The following ENTPD3 variants were observed in gnomAD, a reference collection of about 807,000 sequenced individuals.
ENTPD3 encodes CD39 antigen-like 3.
A neutral mutation model predicts 51.2 loss-of-function variants in ENTPD3; 60 were observed. The observed-to-expected ratio is 1.17, with a 90% CI of 0.95 to 1.45. ENTPD3 has a LOEUF of 1.45. ENTPD3 is among the 40% of genes most tolerant of loss of function. The pLI, the probability that ENTPD3 is intolerant of heterozygous loss-of-function variation, is 0.00. For missense variants in ENTPD3, 593 were observed against 641.1 expected (o/e 0.93, Z 0.81); for synonymous variants, 221 against 238.4 (o/e 0.93, Z 0.67).
chr3:40,420,440 T>C (rs985453584), intron 7 of ENTPD3, among the ~76,000 whole-genome samples: 3 of 151,832 alleles, frequency 2.0e-5, no homozygotes, highest in South Asian at 2.1e-4. Context: ...GGGGTTTCAC[T>C]GTGTTAGCCA....
chr3:40,393,790 A>G (rs190449231), intron 3 of ENTPD3, among the ~76,000 whole-genome samples: 3 of 152,254 alleles, frequency 2.0e-5, no homozygotes, highest in East Asian at 3.9e-4. Flanking sequence ...ACTGTATATA[A>G]AATTGGGACT....
chr3:40,422,889 C>G lies in ENTPD3; in HGVS notation c.871C>G (p.Pro291Ala). The G allele has an allele frequency of 6.2e-7, 1 of 1,613,686 alleles. No homozygotes were observed. The highest frequency in any genetic ancestry group is 8.5e-7 in the Non-Finnish European group (1 of 1,179,892). The part of the protein sequence containing the change: ...TKNHLTNPCY[P>A]RDYSISFTMG... Reference sequence around the variant, plus strand: ...AAACCATCTCACCAATCCCTGTTACCCTCGGGATTATAGCATCAGCTTCAC... The same window carrying G: ...AAACCATCTCACCAATCCCTGTTACGCTCGGGATTATAGCATCAGCTTCAC... Residue 291 changes from proline (P) to alanine (A), a missense_variant, in exon 8 of 11, where the codon CCT becomes GCT. Coordinates refer to ENST00000301825, the MANE Select transcript of ENTPD3 (RefSeq NM_001248.4).
At chr3:40,412,029 A>T in intron 5 of ENTPD3, 67 bp downstream of exon 5, 1 of 1,437,064 alleles carries the variant, frequency 7.0e-7, no homozygotes. Flanking sequence ...GAATCTTGCC[A>T]AGAATGTAAC....
At chr3:40,404,366 A>G (rs1227614161) in intron 4 of ENTPD3, among the ~76,000 whole-genome samples, 2 of 152,238 alleles carry the variant, frequency 1.3e-5, no homozygotes, top group African/African-American at 4.8e-5. Context: ...GGGCACCACA[A>G]TCAGAGCTCC....
At chr3:40,422,062 T>C (rs1324114573) in intron 7 of ENTPD3, among the ~76,000 whole-genome samples, 1 of 152,048 alleles carries the variant, frequency 6.6e-6, no homozygotes, top group South Asian at 2.1e-4. Flanking sequence ...ACCTGGTTCA[T>C]AGGGCTATCA....
chr3:40,419,452 T>C (rs1955816107), intron 7 of ENTPD3, among the ~76,000 whole-genome samples: 1 of 152,214 alleles, frequency 6.6e-6, no homozygotes, highest in South Asian at 2.1e-4. Flanking sequence ...GCCAATATCA[T>C]GTTGTTCTAC....
At chr3:40,405,645 C>T (rs1955475628) in intron 4 of ENTPD3, among the ~76,000 whole-genome samples, 1 of 152,080 alleles carries the variant, frequency 6.6e-6, no homozygotes, top group African/African-American at 2.4e-5. Context: ...TTCAGTGCTC[C>T]TCTCATGGGA....
intron 2 of ENTPD3, among the ~76,000 whole-genome samples, chr3:40,389,067 G>A (rs576660170): frequency 8.5e-5 from 13 of 152,268 alleles, no homozygotes; most frequent in Non-Finnish European, 1.5e-4. Flanking sequence ...TTTTTGTAAA[G>A]GGACATTGCA....
At position 40,423,848 on chromosome 3, in the gene ENTPD3, T is replaced by A. The variant is rs769118183; in HGVS notation, c.1238T>A (p.Phe413Tyr). 36 of 1,613,966 alleles carry A rather than the reference T, an allele frequency of 2.2e-5. No homozygotes were observed. The highest frequency in any genetic ancestry group is 2.6e-5 in the Non-Finnish European group (31 of 1,179,992). ...WSQLPLLLPK[F>Y]DEVYARSYCF... The stretch of plus-strand genomic sequence containing the variant: ...CAGCTCCCACTGCTGCTCCCCAAAT[T>A]TGATGAGGTATATGCCCGCTCTTAC... Residue 413 changes from phenylalanine to tyrosine, a missense_variant, in exon 10 of 11, where the codon TTT (phenylalanine) becomes TAT (tyrosine). Phe to Tyr is a conservative substitution (Grantham distance 22). Coordinates refer to ENST00000301825, the MANE Select transcript of ENTPD3 (RefSeq NM_001248.4).
At chr3:40,393,652 A>G (rs745883608) in intron 3 of ENTPD3, among the ~76,000 whole-genome samples, 2 of 138,668 alleles carry the variant, frequency 1.4e-5, no homozygotes, top group Non-Finnish European at 3.2e-5. Context: ...TGAATTAAAA[A>G]TTAAAAAAAA....
chr3:40,410,304 G>A (rs868808718), intron 4 of ENTPD3, among the ~76,000 whole-genome samples: 3 of 151,930 alleles, frequency 2.0e-5, no homozygotes, highest in Non-Finnish European at 2.9e-5. Context: ...AGCCAGGCAC[G>A]GTGGCACGTG....
chr3:40,392,326 A>G, intron 3 of ENTPD3, 176 bp downstream of exon 3: 1 of 680,072 alleles, frequency 1.5e-6, no homozygotes, highest in South Asian at 2.1e-5. Context: ...TGGGTTTGTG[A>G]TATTTGAGGC....
At chr3:40,404,030 C>T (rs1046806546) in intron 4 of ENTPD3, among the ~76,000 whole-genome samples, 3 of 151,258 alleles carry the variant, frequency 2.0e-5, no homozygotes, top group African/African-American at 7.2e-5. Context: ...CAGCGATCCT[C>T]TATCTGCTCA....
chr3:40,401,146 A>G, intron 4 of ENTPD3, 135 bp downstream of exon 4: 1 of 705,998 alleles, frequency 1.4e-6, no homozygotes, highest in Non-Finnish European at 2.5e-6. Context: ...AGGAAATAGG[A>G]GATCGTGTGC....
At chr3:40,414,962 C>A (rs755743394) in intron 6 of ENTPD3, 122 bp downstream of exon 6, 4 of 967,452 alleles carry the variant, frequency 4.1e-6, no homozygotes, top group Non-Finnish European at 6.4e-6. Flanking sequence ...TACCATGTAA[C>A]GCATTAGGGA....
chr3:40,400,770 G>T (rs1454039586), intron 3 of ENTPD3, 124 bp from the exon 4 acceptor site: 4 of 665,372 alleles, frequency 6.0e-6, no homozygotes, highest in South Asian at 2.3e-5. Flanking sequence ...TTTTCTTATT[G>T]ATTAGCCCTT....
At chr3:40,394,998 T>C (rs1317840062) in intron 3 of ENTPD3, among the ~76,000 whole-genome samples, 13 of 152,158 alleles carry the variant, frequency 8.5e-5, no homozygotes, top group Admixed American at 8.5e-4. Flanking sequence ...TCTAGGGTCT[T>C]CGTGGACCTC....
At chr3:40,389,355 A>C (rs1293796156) in intron 2 of ENTPD3, among the ~76,000 whole-genome samples, 1 of 152,216 alleles carries the variant, frequency 6.6e-6, no homozygotes, top group Non-Finnish European at 1.5e-5. Context: ...AATCACAGAA[A>C]AGTGATACAG....
Position 40,428,512 on chromosome 3 carries a change from T to C in ENTPD3, c.*1004T>C, listed in dbSNP as rs1181422082. ...AGGAATATTTATCTCCAAAGTCGAA[T>C]GAGAAAGAACTCCAGCAAATCCAAT... On this transcript the variant is annotated 3_prime_UTR_variant, in exon 11 of 11. Coordinates refer to ENST00000301825, the MANE Select transcript of ENTPD3 (RefSeq NM_001248.4). The C allele has an allele frequency of 6.6e-6, 1 of 152,200 alleles. No individual in the cohort carries two copies. The highest frequency in any genetic ancestry group is 1.5e-5 in the Non-Finnish European group (1 of 68,034). The allele number at this position is 152,200 out of a possible 1,614,324, so 9.4% of individuals were successfully genotyped here.
Sources: gnomAD v4.1 joint callset for allele counts (sites outside exome capture counted in the v4.1 genomes callset) on GRCh38, gnomAD v4.1.1 for gene constraint, MANE v1.5 for transcripts, NCBI Gene and HGNC (gene_info 2026-07-23, HGNC 2026-07-21) for gene names.